NCOA3: variants seen among roughly 807,000 people sequenced by gnomAD.
NCOA3 encodes nuclear receptor coactivator 3.
Under a neutral mutation model 158.8 loss-of-function variants are expected in NCOA3, and 51 were observed. The observed-to-expected ratio is 0.32, with a 90% CI of 0.26 to 0.41. The LOEUF is 0.41. Among genes scored for constraint, NCOA3 ranks in the 10% least tolerant of loss-of-function variants. The pLI is 1.00. For synonymous variants in NCOA3, 537 were observed against 592.4 expected, an observed-to-expected ratio of 0.91 and a Z score of 1.36; for missense variants, 1,510 against 1,746.6, an observed-to-expected ratio of 0.86 and a Z score of 2.41.
intron 2 of NCOA3, among the ~76,000 whole-genome samples, chr20:47,613,218 TG>T (rs1182903694): frequency 2.0e-5 from 3 of 152,214 alleles, no homozygotes; most frequent in Non-Finnish European, 4.4e-5. Flanking sequence ...GAAGTTGTAC[TG>T]TTTTCTTGTA....
intron 16 of NCOA3, among the ~76,000 whole-genome samples, chr20:47,640,508 A>AT (rs2086586467): frequency 6.6e-6 from 1 of 152,186 alleles, no homozygotes; most frequent in South Asian, 2.1e-4. Context: ...GGATTGGCTA[A>AT]TTGTTTTCTA....
chr20:47,542,009 G>GTTTTTTTGTTTTGTTT (rs71183262), intron 1 of NCOA3, among the ~76,000 whole-genome samples: 1 of 56,318 alleles, frequency 1.8e-5, no homozygotes, highest in Non-Finnish European at 3.5e-5. Flanking sequence ...GCCCTGTAGA[G>GTTTTTTTGTTTTGTTT]TTTTTTTTTT....
intron 2 of NCOA3, among the ~76,000 whole-genome samples, chr20:47,587,473 G>A (rs1191784040): frequency 2.0e-5 from 3 of 152,228 alleles, no homozygotes; most frequent in East Asian, 1.9e-4. Context: ...TCATCCCTTC[G>A]TACCTGAGGG....
intron 1 of NCOA3, among the ~76,000 whole-genome samples, chr20:47,556,462 C>T (rs143669801): frequency 1.3e-5 from 2 of 152,158 alleles, no homozygotes; most frequent in African/African-American, 4.8e-5. Context: ...CAAGTAGACT[C>T]TGGACTTTTT....
At chr20:47,516,696 A>G (rs1417601132) in intron 1 of NCOA3, among the ~76,000 whole-genome samples, 3 of 151,274 alleles carry the variant, frequency 2.0e-5, no homozygotes, top group Admixed American at 2.0e-4. Flanking sequence ...CGAGGCAGGC[A>G]TATCATTTGA....
intron 2 of NCOA3, among the ~76,000 whole-genome samples, chr20:47,618,006 G>A (rs1202623865): frequency 6.6e-6 from 1 of 152,100 alleles, no homozygotes; most frequent in Non-Finnish European, 1.5e-5. Context: ...GGAGGCTGAC[G>A]TGGGCAGATC....
At chr20:47,637,432 C>A (rs899041463) in intron 12 of NCOA3, among the ~76,000 whole-genome samples, 1 of 152,124 alleles carries the variant, frequency 6.6e-6, no homozygotes, top group African/African-American at 2.4e-5. Flanking sequence ...TTAAAAAATG[C>A]CCCTTTGAAA....
chr20:47,561,618 T>C (rs1292960920), intron 1 of NCOA3, among the ~76,000 whole-genome samples: 1 of 152,056 alleles, frequency 6.6e-6, no homozygotes, highest in Non-Finnish European at 1.5e-5. Context: ...TGCACCTCGC[T>C]TAGGCTATTT....
At chr20:47,586,877 C>T (rs1019094009) in intron 2 of NCOA3, among the ~76,000 whole-genome samples, 10 of 152,208 alleles carry the variant, frequency 6.6e-5, no homozygotes, top group African/African-American at 7.2e-5. Flanking sequence ...AGTCATATGA[C>T]GTCCGTCTGT....
intron 1 of NCOA3, among the ~76,000 whole-genome samples, chr20:47,509,104 T>C (rs1038834899): frequency 2.0e-5 from 3 of 152,172 alleles, no homozygotes; most frequent in African/African-American, 4.8e-5. Context: ...TGCTGACTTA[T>C]AAAGAATTTA....
At position 47,639,604 on chromosome 20, in the gene NCOA3, C is replaced by T; in HGVS notation, c.2735C>T (p.Thr912Ile). 1 of 1,613,754 alleles carries T rather than the reference C, an allele frequency of 6.2e-7. No homozygotes were observed. The highest frequency in any genetic ancestry group is 8.5e-7 in the Non-Finnish European group (1 of 1,179,860). The change falls in exon 15 of 23, where the codon ACT (threonine) becomes ATT (isoleucine). Residue 912 changes from threonine (T) to isoleucine (I), a missense_variant. Transcript: ENST00000371998. ...MGGPNRNVTV[T>I]QTPSSGDWGL... Reference sequence around the variant, plus strand: ...GGGCCAAACCGAAATGTGACTGTGACTCAGACTCCTTCCTCAGGAGACTGG... The same window carrying T: ...GGGCCAAACCGAAATGTGACTGTGATTCAGACTCCTTCCTCAGGAGACTGG...
At chr20:47,652,015 A>G (rs1392059671) in intron 20 of NCOA3, among the ~76,000 whole-genome samples, 2 of 151,984 alleles carry the variant, frequency 1.3e-5, no homozygotes, top group Non-Finnish European at 2.9e-5. Flanking sequence ...TCAGCCTTTG[A>G]GAGGTTCCAG....
intron 1 of NCOA3, among the ~76,000 whole-genome samples, chr20:47,579,503 A>G (rs1057100872): frequency 1.3e-5 from 2 of 152,240 alleles, no homozygotes; most frequent in African/African-American, 4.8e-5. Context: ...GAAATCTGCT[A>G]GGATTGTTGC....
intron 1 of NCOA3, among the ~76,000 whole-genome samples, chr20:47,536,886 C>T (rs1267523863): frequency 2.0e-5 from 3 of 151,428 alleles, no homozygotes; most frequent in Non-Finnish European, 4.4e-5. Context: ...TCACTGCAAC[C>T]TCCGCCTCCT....
chr20:47,595,531 C>T (rs1306736655), intron 2 of NCOA3, among the ~76,000 whole-genome samples: 1 of 152,192 alleles, frequency 6.6e-6, no homozygotes, highest in South Asian at 2.1e-4. Context: ...GGATCTTCCA[C>T]TTGGTGTGGC....
At chr20:47,532,817 C>T (rs913290678) in intron 1 of NCOA3, among the ~76,000 whole-genome samples, 2 of 151,890 alleles carry the variant, frequency 1.3e-5, no homozygotes, top group Non-Finnish European at 2.9e-5. Context: ...CCAAAAAGAT[C>T]ATTTGGCTGG....
At chr20:47,525,462 C>T (rs181369693) in intron 1 of NCOA3, among the ~76,000 whole-genome samples, 6 of 150,552 alleles carry the variant, frequency 4.0e-5, no homozygotes, top group East Asian at 4.0e-4. Context: ...ACCTCCCAGA[C>T]GGGGTGGTGG....
intron 1 of NCOA3, among the ~76,000 whole-genome samples, chr20:47,542,009 G>GTTTTTTTGCTTTTTTTTTTTTTTT (rs71183262): frequency 7.1e-5 from 4 of 56,316 alleles, no homozygotes; most frequent in African/African-American, 3.0e-4. Context: ...GCCCTGTAGA[G>GTTTTTTTGCTTTTTTTTTTTTTTT]TTTTTTTTTT....
chr20:47,626,653 C>T (rs1208653490), intron 5 of NCOA3, among the ~76,000 whole-genome samples: 1 of 152,158 alleles, frequency 6.6e-6, no homozygotes, highest in African/African-American at 2.4e-5. Context: ...AACAAAATAC[C>T]ACAGACTTGG....
Sources: allele counts gnomAD v4.1 joint callset (sites outside exome capture counted in the v4.1 genomes callset), GRCh38; gene constraint gnomAD v4.1.1; transcripts MANE v1.5; gene names NCBI Gene and HGNC (gene_info 2026-07-23, HGNC 2026-07-21).